Variants in ERC1 observed in about 807,000 individuals in gnomAD.
ERC1 encodes the protein RAB6 interacting protein 2.
A neutral mutation model predicts 132.0 loss-of-function variants in ERC1; 56 were observed. The ratio of observed to expected loss-of-function variants is 0.42; its 90% CI spans 0.34 to 0.53. The LOEUF (loss-of-function observed/expected upper bound fraction) is 0.53, where lower values mean the gene tolerates loss of function less well. ERC1 is among the 20% of genes least tolerant of loss of function. ERC1 has a pLI of 0.03. For missense variants in ERC1, 1,202 were observed against 1,349.9 expected (o/e 0.89, Z 1.72); for synonymous variants, 478 against 476.1 (o/e 1.00, Z -0.05).
intron 14 of ERC1, among the ~76,000 whole-genome samples, chr12:1,271,454 A>T (rs141487394): frequency 1.4e-3 from 215 of 152,316 alleles, no homozygotes; most frequent in African/African-American, 4.9e-3. Context: ...TTTTGAGATG[A>T]GAAAGCCTGA....
intron 17 of ERC1, among the ~76,000 whole-genome samples, chr12:1,429,861 A>G (rs1438317906): frequency 1.3e-5 from 2 of 152,204 alleles, no homozygotes; most frequent in Non-Finnish European, 2.9e-5. Context: ...CTCATTATAC[A>G]TAGTAGTTCG....
At chr12:1,357,610 C>T (rs1227477951) in intron 15 of ERC1, among the ~76,000 whole-genome samples, 1 of 152,162 alleles carries the variant, frequency 6.6e-6, no homozygotes, top group Non-Finnish European at 1.5e-5. Flanking sequence ...TATATAACAA[C>T]AGGTGTACCT....
chr12:1,034,531 A>ATG (rs1968695677), intron 2 of ERC1, among the ~76,000 whole-genome samples: 1 of 152,204 alleles, frequency 6.6e-6, no homozygotes, highest in Non-Finnish European at 1.5e-5. Flanking sequence ...TTGACAGTAT[A>ATG]TGTGTGTGTC....
At chr12:1,095,482 A>G (rs565223028) in intron 3 of ERC1, among the ~76,000 whole-genome samples, 1 of 152,286 alleles carries the variant, frequency 6.6e-6, no homozygotes, top group African/African-American at 2.4e-5. Flanking sequence ...AGGAGAGAAA[A>G]TGAACATATT....
At chr12:1,330,787 A>G (rs1056725643) in intron 15 of ERC1, among the ~76,000 whole-genome samples, 10 of 151,330 alleles carry the variant, frequency 6.6e-5, no homozygotes, top group Admixed American at 1.3e-4. Context: ...TTGTTCTGCA[A>G]CTCCTAGTAG....
chr12:1,176,388 G>A (rs1953722127), intron 8 of ERC1, among the ~76,000 whole-genome samples: 1 of 152,112 alleles, frequency 6.6e-6, no homozygotes, highest in African/African-American at 2.4e-5. Flanking sequence ...AAACAGATGG[G>A]CTGTGATAGA....
chr12:1,388,512 G>T (rs1324409985), intron 16 of ERC1, among the ~76,000 whole-genome samples: 14 of 152,154 alleles, frequency 9.2e-5, no homozygotes, highest in Non-Finnish European at 2.9e-5. Context: ...GGGCAGTGAC[G>T]TGAGACTCCA....
chr12:1,180,883 G>A (rs536248533), intron 9 of ERC1, among the ~76,000 whole-genome samples: 1 of 150,186 alleles, frequency 6.7e-6, no homozygotes, highest in East Asian at 1.9e-4. Context: ...GCGTGATCTT[G>A]TCTCACTAAA....
At chr12:1,009,330 A>G (rs928384230) in intron 1 of ERC1, among the ~76,000 whole-genome samples, 2 of 152,022 alleles carry the variant, frequency 1.3e-5, no homozygotes, top group African/African-American at 2.4e-5. Context: ...GCCCGCCACC[A>G]CGCCCGGCTA....
chr12:1,012,880 G>A (rs1964928726), intron 1 of ERC1, among the ~76,000 whole-genome samples: 1 of 152,184 alleles, frequency 6.6e-6, no homozygotes, highest in Admixed American at 6.5e-5. Context: ...TTTCAAGTAT[G>A]TTTTGGGAAT....
chr12:1,424,317 A>G (rs1414478739), intron 17 of ERC1, among the ~76,000 whole-genome samples: 1 of 152,178 alleles, frequency 6.6e-6, no homozygotes, highest in African/African-American at 2.4e-5. Flanking sequence ...GAAGAATTAG[A>G]GCAGGTCAGG....
intron 7 of ERC1, among the ~76,000 whole-genome samples, chr12:1,137,100 CTTTTTTTTTTT>C (rs944757047): frequency 8.1e-6 from 1 of 122,914 alleles, no homozygotes; most frequent in African/African-American, 3.1e-5. Context: ...TTTTTCTTTT[CTTTTTTTTTTT>C]TTTTTTGAGA....
At chr12:1,379,340 A>T (rs1671448233) in intron 16 of ERC1, among the ~76,000 whole-genome samples, 2 of 152,186 alleles carry the variant, frequency 1.3e-5, no homozygotes, top group African/African-American at 2.4e-5. Context: ...CATATCAAGG[A>T]TCCCAGTAAC....
chr12:1,363,564 T>A (rs2154371528), intron 15 of ERC1, among the ~76,000 whole-genome samples: 1 of 135,290 alleles, frequency 7.4e-6, no homozygotes, highest in African/African-American at 3.3e-5. Context: ...TTTTTTTTTT[T>A]TTTCTAGAGA....
intron 12 of ERC1, among the ~76,000 whole-genome samples, chr12:1,196,905 TACAC>T (rs766381798): frequency 0.045 from 2,611 of 57,518 alleles, 133 homozygotes; most frequent in East Asian, 0.076. Context: ...TCTGTCTCTC[TACAC>T]ACACACACAC....
intron 15 of ERC1, among the ~76,000 whole-genome samples, chr12:1,348,110 T>C (rs1243812543): frequency 6.6e-6 from 1 of 152,228 alleles, no homozygotes; most frequent in Non-Finnish European, 1.5e-5. Flanking sequence ...TTGTCTGGCA[T>C]GCTACAAAGG....
intron 1 of ERC1, among the ~76,000 whole-genome samples, chr12:998,078 C>T (rs562082310): frequency 1.2e-4 from 19 of 152,330 alleles, no homozygotes; most frequent in Admixed American, 2.6e-4. Context: ...GCTTTACACA[C>T]TTAAGAGTTT....
chr12:1,220,759 A>G (rs1010622741), intron 12 of ERC1, among the ~76,000 whole-genome samples: 2 of 152,238 alleles, frequency 1.3e-5, no homozygotes, highest in African/African-American at 4.8e-5. Context: ...AAAATGTGAA[A>G]TATTTGCTCT....
intron 12 of ERC1, among the ~76,000 whole-genome samples, chr12:1,224,132 C>T (rs1594344465): frequency 1.3e-5 from 2 of 152,268 alleles, no homozygotes; most frequent in South Asian, 4.1e-4. Context: ...TATATCTCTT[C>T]CCAGAGAAAC....
Sources: gnomAD v4.1 joint callset for allele counts (sites outside exome capture counted in the v4.1 genomes callset) on GRCh38, gnomAD v4.1.1 for gene constraint, MANE v1.5 for transcripts, NCBI Gene and HGNC (gene_info 2026-07-23, HGNC 2026-07-21) for gene names.